Variants in CTNNA3 observed in about 807,000 individuals in gnomAD.
The protein encoded by CTNNA3 is catenin alpha-3.
Under a neutral mutation model 95.7 loss-of-function variants are expected in CTNNA3, and 76 were observed. The observed-to-expected ratio is 0.79, with a 90% CI of 0.66 to 0.96. CTNNA3 has a LOEUF of 0.96. Among genes scored for constraint, CTNNA3 ranks in the 40% least tolerant of loss-of-function variants. The pLI is 0.00. For missense variants in CTNNA3, 1,191 were observed against 1,089.8 expected (o/e 1.09, Z -1.31); for synonymous variants, 431 against 374.4 (o/e 1.15, Z -1.74).
chr10:67,595,532 T>G (rs1842911852), intron 3 of CTNNA3, among the ~76,000 whole-genome samples: 1 of 152,150 alleles, frequency 6.6e-6, no homozygotes, highest in South Asian at 2.1e-4. Flanking sequence ...TTTGAATTTG[T>G]TGAGAATTGC....
At chr10:66,334,234 G>A (rs2092368203) in intron 12 of CTNNA3, among the ~76,000 whole-genome samples, 2 of 151,894 alleles carry the variant, frequency 1.3e-5, no homozygotes, top group Admixed American at 1.3e-4. Flanking sequence ...TACATTTAAG[G>A]TTAAAATTGT....
intron 6 of CTNNA3, among the ~76,000 whole-genome samples, chr10:67,212,158 TC>T (rs1864167192): frequency 6.6e-6 from 1 of 151,956 alleles, no homozygotes; most frequent in Non-Finnish European, 1.5e-5. Flanking sequence ...ATTAACTACC[TC>T]AAACATAAGA....
chr10:67,221,247 ACT>A (rs1407796780), intron 5 of CTNNA3, among the ~76,000 whole-genome samples: 1 of 152,146 alleles, frequency 6.6e-6, no homozygotes, highest in Admixed American at 6.6e-5. Context: ...GTAAATGGGA[ACT>A]CTCTGTACCA....
chr10:67,549,283 C>G (rs1840944409), intron 3 of CTNNA3, among the ~76,000 whole-genome samples: 1 of 152,002 alleles, frequency 6.6e-6, no homozygotes, highest in Non-Finnish European at 1.5e-5. Context: ...TACATTGCAG[C>G]TAACTTCTCT....
At chr10:66,036,541 AT>A (rs1241924221) in intron 15 of CTNNA3, among the ~76,000 whole-genome samples, 3 of 151,656 alleles carry the variant, frequency 2.0e-5, no homozygotes, top group Non-Finnish European at 4.4e-5. Context: ...CGCCCTGCTA[AT>A]TTTTTGTATT....
In CTNNA3 at chr10:67,434,406, C is replaced by T. The variant is rs531280026; in HGVS notation, c.579+87436G>A. 1.6e-4 allele frequency among the ~76,000 whole-genome samples: 25 copies of T among 152,054 alleles called. 1 individual carries two copies. Among genetic ancestry groups the T allele is most frequent in the African/African-American group, 5.8e-4 (24 of 41,540 alleles). On this transcript the variant is annotated intron_variant, in intron 5 of 17. Transcript: ENST00000433211. Reference sequence around the variant, plus strand: ...ATCAATAGTACTTAAAGTATGGGTGCTTAATGAACACTACAATTATTTTTC... The same window carrying T: ...ATCAATAGTACTTAAAGTATGGGTGTTTAATGAACACTACAATTATTTTTC...
At chr10:66,600,533 T>G in intron 10 of CTNNA3, among the ~76,000 whole-genome samples, 1 of 151,842 alleles carries the variant, frequency 6.6e-6, no homozygotes, top group East Asian at 1.9e-4. Context: ...ATCCATCATT[T>G]TTTACCTGAG....
intron 1 of CTNNA3, among the ~76,000 whole-genome samples, chr10:67,739,452 A>G (rs1364256093): frequency 1.3e-5 from 2 of 152,212 alleles, no homozygotes; most frequent in Non-Finnish European, 2.9e-5. Flanking sequence ...AAGCAACTTC[A>G]GCAAAGTCTC....
At chr10:67,523,588 AACTC>A (rs1437358969) in intron 4 of CTNNA3, among the ~76,000 whole-genome samples, 1 of 152,196 alleles carries the variant, frequency 6.6e-6, no homozygotes, top group Non-Finnish European at 1.5e-5. Flanking sequence ...AAACTCGGAA[AACTC>A]ACTGATACTG....
At chr10:66,177,599 T>C (rs2085783716) in intron 13 of CTNNA3, among the ~76,000 whole-genome samples, 1 of 152,084 alleles carries the variant, frequency 6.6e-6, no homozygotes, top group Non-Finnish European at 1.5e-5. Flanking sequence ...TTGGCAGCCC[T>C]AGACTGAAGA....
At chr10:66,019,995 ATGCTACC>A (rs1043798290) in intron 15 of CTNNA3, among the ~76,000 whole-genome samples, 3 of 152,224 alleles carry the variant, frequency 2.0e-5, no homozygotes, top group African/African-American at 7.2e-5. Flanking sequence ...GAGTTCTCCA[ATGCTACC>A]TGATTTTTAA....
chr10:67,727,697 G>C (rs1332279898), intron 1 of CTNNA3, among the ~76,000 whole-genome samples: 1 of 123,812 alleles, frequency 8.1e-6, no homozygotes, highest in East Asian at 2.2e-4. Context: ...ATATATAATA[G>C]ATCATAGATA....
chr10:67,287,577 G>A (rs1839657208), intron 5 of CTNNA3, among the ~76,000 whole-genome samples: 1 of 152,184 alleles, frequency 6.6e-6, no homozygotes, highest in Non-Finnish European at 1.5e-5. Flanking sequence ...TGAATTTATA[G>A]AAGGATTTTT....
intron 7 of CTNNA3, among the ~76,000 whole-genome samples, chr10:67,050,017 G>GA (rs1854985533): frequency 6.6e-6 from 1 of 152,156 alleles, no homozygotes; most frequent in African/African-American, 2.4e-5. Context: ...TTGTAAGTTA[G>GA]TAGATGCTGA....
chr10:66,296,629 G>T (rs975748558), intron 12 of CTNNA3, among the ~76,000 whole-genome samples: 2 of 148,286 alleles, frequency 1.3e-5, no homozygotes, highest in Admixed American at 6.7e-5. Flanking sequence ...ACACACACAC[G>T]CATGCACAAA....
chr10:67,166,591 T>A (rs1461806964), intron 7 of CTNNA3, among the ~76,000 whole-genome samples: 1 of 152,220 alleles, frequency 6.6e-6, no homozygotes, highest in Non-Finnish European at 1.5e-5. Context: ...AGTTTTGGAT[T>A]CTTTCTAATA....
intron 3 of CTNNA3, among the ~76,000 whole-genome samples, chr10:67,593,830 T>C (rs1333265526): frequency 6.6e-6 from 1 of 152,168 alleles, no homozygotes; most frequent in Non-Finnish European, 1.5e-5. Flanking sequence ...CATCCTTGTC[T>C]TGCACCAGTT....
intron 7 of CTNNA3, among the ~76,000 whole-genome samples, chr10:66,920,984 C>T (rs568607257): frequency 5.1e-4 from 77 of 152,326 alleles, no homozygotes; most frequent in African/African-American, 1.8e-3. Flanking sequence ...ACTGTGTCCC[C>T]TGCTAAGAGT....
chr10:67,026,397 A>G (rs997508191), intron 7 of CTNNA3, among the ~76,000 whole-genome samples: 6 of 152,048 alleles, frequency 3.9e-5, no homozygotes, highest in Admixed American at 3.9e-4. Flanking sequence ...TTATATTTGT[A>G]AATATAAAAA....
Sources: gnomAD v4.1 joint callset for allele counts (sites outside exome capture counted in the v4.1 genomes callset) on GRCh38, gnomAD v4.1.1 for gene constraint, MANE v1.5 for transcripts, NCBI Gene and HGNC (gene_info 2026-07-23, HGNC 2026-07-21) for gene names.